PITPNA: variants seen among roughly 807,000 people sequenced by gnomAD.
PITPNA encodes phosphatidylinositol transfer protein alpha isoform.
Under a neutral mutation model 50.3 loss-of-function variants are expected in PITPNA, and 13 were observed. The observed-to-expected ratio is 0.26, with a 90% CI of 0.17 to 0.41. The LOEUF (loss-of-function observed/expected upper bound fraction) is 0.41. Ranked by LOEUF, PITPNA falls within the 10% of genes least tolerant of loss-of-function variation. The pLI is 1.00. For synonymous variants in PITPNA, 120 were observed against 119.6 expected (o/e 1.00, Z -0.02); for missense variants, 207 against 333.4 (o/e 0.62, Z 2.95).
chr17:1,559,205 C>G (rs1386726362), intron 1 of PITPNA, among the ~76,000 whole-genome samples: 1 of 152,206 alleles, frequency 6.6e-6, no homozygotes, highest in East Asian at 1.9e-4. Context: ...AAGCTGCTAC[C>G]ACAAAGCCAC....
At chr17:1,520,658 G>C (rs1438854830) in intron 11 of PITPNA, 120 bp from the exon 12 acceptor site, 3 of 152,776 alleles carry the variant, frequency 2.0e-5, no homozygotes, top group Non-Finnish European at 2.9e-5. Context: ...GGAAGGGAGT[G>C]GGGGAGAGCA....
intron 10 of PITPNA, among the ~76,000 whole-genome samples, chr17:1,524,446 G>C (rs1173138475): frequency 6.6e-6 from 1 of 150,986 alleles, no homozygotes; most frequent in Non-Finnish European, 1.5e-5. Flanking sequence ...TTTTTGTAGA[G>C]AGAGAGTTTT....
At position 1,521,553 on chromosome 17, in the gene PITPNA, C is replaced by T. The variant is rs201558816; in HGVS notation, c.*22+26G>A. 62 of 1,529,310 alleles carry T rather than the reference C, an allele frequency of 4.1e-5. 1 individual carries two copies. In the East Asian group the frequency reaches 6.7e-4, roughly 17 times the overall value. The allele number at this position is 1,529,310 out of a possible 1,614,324, so 94.7% of individuals were successfully genotyped here. A position where few individuals can be genotyped will look rare whatever the true frequency, so the allele number is the denominator to read the frequency against. On this transcript the variant is annotated intron_variant, in intron 11 of 11. Transcript: ENST00000313486. ...CAAACTGATTTTAGCGTCTGTGACA[C>T]GCACAGTGAGAAATTTGGTACGTAC...
intron 10 of PITPNA, among the ~76,000 whole-genome samples, chr17:1,533,035 G>A (rs2075593905): frequency 6.6e-6 from 1 of 152,224 alleles, no homozygotes; most frequent in Non-Finnish European, 1.5e-5. Context: ...TGGGCAGCAT[G>A]GGCGCCCAAG....
chr17:1,538,276 T>C (rs2075629631), intron 7 of PITPNA, among the ~76,000 whole-genome samples: 2 of 152,204 alleles, frequency 1.3e-5, no homozygotes, highest in Non-Finnish European at 2.9e-5. Flanking sequence ...AACCCCCTCA[T>C]TCCCTGAGCA....
chr17:1,534,279 C>T, intron 9 of PITPNA, 58 bp from the exon 10 acceptor site: 3 of 1,608,338 alleles, frequency 1.9e-6, no homozygotes, highest in South Asian at 2.2e-5. Flanking sequence ...TGCCACAGCC[C>T]TTCTCTCCAT....
intron 10 of PITPNA, 84 bp downstream of exon 10, chr17:1,534,015 G>A: frequency 1.3e-6 from 2 of 1,500,732 alleles, no homozygotes; most frequent in East Asian, 4.6e-5. Flanking sequence ...ACAGGATGGT[G>A]CTCTCGGTGA....
At chr17:1,522,353 G>C (rs1019973279) in intron 10 of PITPNA, among the ~76,000 whole-genome samples, 1 of 151,548 alleles carries the variant, frequency 6.6e-6, no homozygotes, top group Non-Finnish European at 1.5e-5. Flanking sequence ...TTACAGGCGT[G>C]AGCCACCGCG....
intron 10 of PITPNA, among the ~76,000 whole-genome samples, chr17:1,522,998 T>C (rs1186335160): frequency 6.6e-6 from 1 of 152,006 alleles, no homozygotes; most frequent in Non-Finnish European, 1.5e-5. Context: ...TGTTTAAAGG[T>C]GGGCACAATG....
intron 6 of PITPNA, among the ~76,000 whole-genome samples, chr17:1,540,386 A>T (rs1440793590): frequency 1.3e-5 from 2 of 152,100 alleles, no homozygotes; most frequent in African/African-American, 4.8e-5. Context: ...CCTCTAAGAG[A>T]TCCTACATAC....
chr17:1,549,506 C>T (rs749252826), intron 3 of PITPNA, among the ~76,000 whole-genome samples: 10,768 of 130,644 alleles, frequency 0.082, 973 homozygotes, highest in East Asian at 0.3. Flanking sequence ...TTAGTAAAGA[C>T]AGGGTTTCGC....
chr17:1,532,660 A>C (rs2075591533), intron 10 of PITPNA, among the ~76,000 whole-genome samples: 1 of 152,200 alleles, frequency 6.6e-6, no homozygotes, highest in Non-Finnish European at 1.5e-5. Context: ...TCATTTGTTA[A>C]CATTTTCCCT....
chr17:1,539,022 C>T, intron 6 of PITPNA, 70 bp from the exon 7 acceptor site: 1 of 910,216 alleles, frequency 1.1e-6, no homozygotes, highest in Non-Finnish European at 1.8e-6. Flanking sequence ...CCAGAATGGA[C>T]ACCTAGGAAC....
At chr17:1,527,466 T>A (rs1567575830) in intron 10 of PITPNA, among the ~76,000 whole-genome samples, 1 of 151,934 alleles carries the variant, frequency 6.6e-6, no homozygotes, top group Non-Finnish European at 1.5e-5. Flanking sequence ...TGTCTCAAAC[T>A]CCCAAGCTCA....
intron 2 of PITPNA, among the ~76,000 whole-genome samples, chr17:1,553,608 T>G (rs2075720658): frequency 6.6e-6 from 1 of 152,114 alleles, no homozygotes; most frequent in Non-Finnish European, 1.5e-5. Flanking sequence ...GAAAACAGAT[T>G]AGAGTCCAAA....
intron 10 of PITPNA, among the ~76,000 whole-genome samples, chr17:1,522,071 C>CTTTTCTTTTCTTTT (rs751204255): frequency 2.8e-5 from 4 of 141,618 alleles, no homozygotes; most frequent in African/African-American, 5.4e-5. Flanking sequence ...TATGAAACAT[C>CTTTTCTTTTCTTTT]TTTTTTTTTT....
In PITPNA at chr17:1,553,037, C is replaced by A. The variant is rs1327941191; in HGVS notation, c.164G>T (p.Gly55Val). The A allele has an allele frequency of 6.2e-7, 1 of 1,613,978 alleles. No homozygotes were observed. The highest frequency in any genetic ancestry group is 2.2e-5 in the East Asian group (1 of 44,884). ...NEPYEKDGEK[G>V]QYTHKIYHLQ... The stretch of plus-strand genomic sequence containing the variant: ...GTGGTAGATCTTGTGTGTGTACTGG[C>A]CTTTCTCACCGTCCTTCTCGTAGGG... Residue 55 changes from glycine (G) to valine (V), a missense_variant, in exon 3 of 12, where the codon GGC becomes GTC. Physicochemically the swap from Gly to Val is moderately radical, Grantham distance 109. Coordinates refer to ENST00000313486, the MANE Select transcript of PITPNA (RefSeq NM_006224.4).
rs2075760131 is a variant in PITPNA, at chr17:1,560,067, C to T, written c.21-1508G>A. ...TGCAGAAATCAAATTAAACAGAATCCTGTTAGAGGAAGTGTTGGAAAAATC... is the reference window on the plus strand; with the variant it reads ...TGCAGAAATCAAATTAAACAGAATCTTGTTAGAGGAAGTGTTGGAAAAATC... On this transcript the variant is annotated intron_variant, in intron 1 of 11. Transcript: ENST00000313486. Among the ~76,000 whole-genome samples, 3 of 152,128 alleles carry T rather than the reference C, an allele frequency of 2.0e-5. No individual in the cohort carries two copies. The South Asian group carries it at 6.2e-4, about 31-fold the overall frequency.
intron 6 of PITPNA, among the ~76,000 whole-genome samples, chr17:1,539,255 C>T (rs1050801904): frequency 2.6e-5 from 4 of 151,840 alleles, no homozygotes; most frequent in South Asian, 2.1e-4. Context: ...AGTGATCCTC[C>T]TGCCTCAGCC....
Sources: gnomAD v4.1 joint callset for allele counts (sites outside exome capture counted in the v4.1 genomes callset) on GRCh38, gnomAD v4.1.1 for gene constraint, MANE v1.5 for transcripts, NCBI Gene and HGNC (gene_info 2026-07-23, HGNC 2026-07-21) for gene names.